The following MAP7 variants were observed in gnomAD, a reference collection of about 807,000 sequenced individuals.
The protein encoded by MAP7 is ensconsin.
MAP7 carries 52 observed loss-of-function variants against 94.8 expected under a neutral mutation model. That is an observed-to-expected ratio of 0.55 (90% CI 0.44 to 0.69). The LOEUF (loss-of-function observed/expected upper bound fraction) is 0.69, where lower values mean the gene tolerates loss of function less well. Ranked by LOEUF, MAP7 falls within the 30% of genes least tolerant of loss-of-function variation. The pLI is 0.00. For synonymous variants in MAP7, 350 were observed against 357.0 expected (o/e 0.98, Z 0.22); for missense variants, 940 against 964.6 (o/e 0.97, Z 0.34).
At chr6:136,529,463 T>A (rs1342560344) in intron 1 of MAP7, among the ~76,000 whole-genome samples, 2 of 152,182 alleles carry the variant, frequency 1.3e-5, no homozygotes, top group African/African-American at 4.8e-5. Flanking sequence ...TTCAATTAGA[T>A]GTGGCACAAC....
At chr6:136,534,322 T>C (rs766968300) in intron 1 of MAP7, among the ~76,000 whole-genome samples, 16 of 152,310 alleles carry the variant, frequency 1.1e-4, no homozygotes, top group Non-Finnish European at 1.5e-4. Flanking sequence ...TAAGGCAGAC[T>C]TCCTCCTTCT....
intron 1 of MAP7, among the ~76,000 whole-genome samples, chr6:136,497,624 C>G (rs2129003083): frequency 6.6e-6 from 1 of 151,462 alleles, no homozygotes; most frequent in South Asian, 2.1e-4. Context: ...CATGGTGAAA[C>G]CCTGTCTCTA....
At chr6:136,413,170 G>A (rs1788053561) in intron 2 of MAP7, among the ~76,000 whole-genome samples, 1 of 150,862 alleles carries the variant, frequency 6.6e-6, no homozygotes, top group Admixed American at 6.6e-5. Context: ...TCCAAAAAAA[G>A]AAAAAAGAAT....
chr6:136,454,627 A>T lies in MAP7; in HGVS notation c.68-32828T>A, dbSNP rs926223347. ...AATGTCTTTTAAATAGCAAACAGCC[A>T]GGTGCAGTGGCTCACGCCTGAAATC... On this transcript the variant is annotated intron_variant, in intron 1 of 17. Coordinates refer to ENST00000354570, the MANE Select transcript of MAP7 (RefSeq NM_003980.6). Among the ~76,000 whole-genome samples, 8 of 151,120 alleles carry T rather than the reference A, an allele frequency of 5.3e-5. No individual in the cohort carries two copies. The East Asian group carries it at 1.4e-3, about 27-fold the overall frequency.
chr6:136,491,633 T>C (rs1376511370), intron 1 of MAP7, among the ~76,000 whole-genome samples: 2 of 152,208 alleles, frequency 1.3e-5, no homozygotes, highest in African/African-American at 2.4e-5. Flanking sequence ...TTTACTATAA[T>C]CTCTCCTATC....
chr6:136,360,948 G>T, intron 12 of MAP7, 57 bp downstream of exon 12: 1 of 1,548,650 alleles, frequency 6.5e-7, no homozygotes, highest in Non-Finnish European at 8.7e-7. Flanking sequence ...TCCTCTGCTG[G>T]GCTGGGGCGT....
chr6:136,476,726 C>A (rs143708348), intron 1 of MAP7, among the ~76,000 whole-genome samples: 2 of 152,156 alleles, frequency 1.3e-5, no homozygotes, highest in Non-Finnish European at 2.9e-5. Flanking sequence ...AAGCAAAGAC[C>A]AGTGAGTGTA....
At chr6:136,347,821 G>GA (rs1467087513) in intron 16 of MAP7, among the ~76,000 whole-genome samples, 1 of 151,972 alleles carries the variant, frequency 6.6e-6, no homozygotes, top group Non-Finnish European at 1.5e-5. Flanking sequence ...CTTTTTTACG[G>GA]AAAAAATGAA....
intron 7 of MAP7, among the ~76,000 whole-genome samples, chr6:136,376,292 G>T (rs1248952420): frequency 6.6e-6 from 1 of 151,710 alleles, no homozygotes; most frequent in African/African-American, 2.4e-5. Context: ...TAGAGACGGG[G>T]TTTCACCGTG....
intron 3 of MAP7, among the ~76,000 whole-genome samples, chr6:136,396,468 G>C (rs1343158432): frequency 6.6e-6 from 1 of 151,934 alleles, no homozygotes; most frequent in East Asian, 1.9e-4. Context: ...GCTTTTAGGG[G>C]TTTTTATATA....
intron 1 of MAP7, among the ~76,000 whole-genome samples, chr6:136,472,540 T>C (rs931748707): frequency 2.0e-5 from 3 of 152,194 alleles, no homozygotes; most frequent in Non-Finnish European, 4.4e-5. Context: ...GTTTCCTTTT[T>C]GGTATATCCC....
chr6:136,445,654 T>C (rs1393112691), intron 1 of MAP7, among the ~76,000 whole-genome samples: 1 of 152,172 alleles, frequency 6.6e-6, no homozygotes, highest in Non-Finnish European at 1.5e-5. Context: ...CACCTATTAG[T>C]TTTCCATGAA....
chr6:136,456,741 G>GAGA (rs1330406458), intron 1 of MAP7, among the ~76,000 whole-genome samples: 1 of 126,808 alleles, frequency 7.9e-6, no homozygotes, highest in South Asian at 2.7e-4. Context: ...GAAGGAAGAG[G>GAGA]AGAAGGAGGA....
intron 3 of MAP7, among the ~76,000 whole-genome samples, chr6:136,399,514 T>G (rs1159379012): frequency 2.0e-5 from 3 of 152,032 alleles, no homozygotes; most frequent in African/African-American, 7.2e-5. Flanking sequence ...TGGCTCGTTT[T>G]TTTTTTTATT....
intron 1 of MAP7, among the ~76,000 whole-genome samples, chr6:136,505,275 G>GTA (rs1312349410): frequency 6.4e-4 from 44 of 69,170 alleles, no homozygotes; most frequent in East Asian, 3.4e-3. Context: ...GTGTGTGTGT[G>GTA]TGTATATATA....
intron 8 of MAP7, 101 bp downstream of exon 8, chr6:136,372,400 T>TCC (rs1374020196): frequency 7.3e-7 from 1 of 1,361,708 alleles, no homozygotes; most frequent in Non-Finnish European, 1.0e-6. Context: ...TGTCACGGTC[T>TCC]CCCCCTCTTA....
At chr6:136,388,196 C>A (rs950555483) in intron 5 of MAP7, among the ~76,000 whole-genome samples, 197 bp downstream of exon 5, 1 of 152,154 alleles carries the variant, frequency 6.6e-6, no homozygotes, top group African/African-American at 2.4e-5. Flanking sequence ...AGAAAATTGG[C>A]CTGTGTTAAG....
intron 1 of MAP7, among the ~76,000 whole-genome samples, chr6:136,444,416 C>A (rs1798732860): frequency 6.6e-6 from 1 of 152,192 alleles, no homozygotes; most frequent in Admixed American, 6.5e-5. Context: ...TTGTTTCAAC[C>A]ACTTTCTGGA....
chr6:136,417,575 A>G (rs566802124), intron 2 of MAP7, among the ~76,000 whole-genome samples: 2 of 152,220 alleles, frequency 1.3e-5, no homozygotes, highest in South Asian at 2.1e-4. Flanking sequence ...ATTCTTCCCA[A>G]TAACACTAGG....
Sources: gnomAD v4.1 joint callset for allele counts (sites outside exome capture counted in the v4.1 genomes callset) on GRCh38, gnomAD v4.1.1 for gene constraint, MANE v1.5 for transcripts, NCBI Gene and HGNC (gene_info 2026-07-23, HGNC 2026-07-21) for gene names.